KCNA6: variants seen among roughly 807,000 people sequenced by gnomAD.
KCNA6 encodes the protein potassium voltage-gated channel subfamily A member 6.
Under a neutral mutation model 29.5 loss-of-function variants are expected in KCNA6, and 17 were observed. That is an observed-to-expected ratio of 0.58 (90% CI 0.39 to 0.86). The LOEUF is 0.86. Among genes scored for constraint, KCNA6 ranks in the 40% least tolerant of loss-of-function variants. KCNA6 has a pLI of 0.00. For missense variants in KCNA6, 450 were observed against 703.4 expected (o/e 0.64, Z 4.07); for synonymous variants, 296 against 304.7 (o/e 0.97, Z 0.30).
At chr12:4,825,480 C>G in the KCNA6 span, among the ~76,000 whole-genome samples, 3 of 152,178 alleles carry the variant, frequency 2.0e-5, no homozygotes, top group African/African-American at 7.2e-5. Context: ...CTCACATACC[C>G]CCAAAACTCA....
the KCNA6 span, among the ~76,000 whole-genome samples, chr12:4,842,897 A>C: frequency 6.6e-6 from 1 of 152,150 alleles, no homozygotes; most frequent in Non-Finnish European, 1.5e-5. Context: ...ATGCAGGTGG[A>C]CCAATTATAA....
chr12:4,841,103 T>C, the KCNA6 span, among the ~76,000 whole-genome samples: 2 of 152,226 alleles, frequency 1.3e-5, no homozygotes, highest in East Asian at 3.8e-4. Context: ...TATCAGTCAG[T>C]ACCTAATTGC....
the KCNA6 span, among the ~76,000 whole-genome samples, chr12:4,821,035 C>T: frequency 1.3e-5 from 2 of 152,174 alleles, no homozygotes; most frequent in African/African-American, 4.8e-5. Context: ...TACCCAGGAA[C>T]GCTGACTTCT....
the KCNA6 span, chr12:4,851,103 CA>C: frequency 1.3e-5 from 3 of 233,352 alleles, no homozygotes; most frequent in Non-Finnish European, 2.7e-5. Context: ...AAACACAAGG[CA>C]AAGTCTCAGA....
At position 4,810,502 on chromosome 12, in the gene KCNA6, A is replaced by C. The variant is rs1300655765; in HGVS notation, c.461A>C (p.Gln154Pro). Residue 154 changes from glutamine (Q) to proline (P), a missense_variant, in exon 1 of 1, where the codon CAG becomes CCG. Gln to Pro is a moderately conservative substitution (Grantham distance 76). Coordinates refer to ENST00000280684, the Ensembl canonical transcript of KCNA6. This position sits in a 1 kb window ranked among gnomAD's most constrained non-coding sequence, Gnocchi z 7.5. The stretch of plus-strand genomic sequence containing the variant: ...GAGGACGAGAAGCCGCTGCCCTCCC[A>C]GCCCTTCCAGCGCCAGGTGTGGCTG... The C allele has an allele frequency of 6.2e-7, 1 of 1,614,186 alleles. No homozygotes were observed.
the KCNA6 span, among the ~76,000 whole-genome samples, chr12:4,837,232 C>A: frequency 6.6e-6 from 1 of 152,222 alleles, no homozygotes; most frequent in Admixed American, 6.5e-5. Context: ...TAGAAGGTGG[C>A]ACACCCCAAT....
At chr12:4,835,476 T>A in the KCNA6 span, among the ~76,000 whole-genome samples, 1 of 152,088 alleles carries the variant, frequency 6.6e-6, no homozygotes, top group Non-Finnish European at 1.5e-5. Context: ...TCCTTTTTTT[T>A]CCTCCATTTC....
the KCNA6 span, among the ~76,000 whole-genome samples, chr12:4,843,929 G>A: frequency 6.6e-6 from 1 of 152,106 alleles, no homozygotes; most frequent in Non-Finnish European, 1.5e-5. Context: ...CATAAAGTTT[G>A]GGTGGAGACA....
At chr12:4,841,464 GA>G in the KCNA6 span, among the ~76,000 whole-genome samples, 3 of 152,146 alleles carry the variant, frequency 2.0e-5, no homozygotes, top group Non-Finnish European at 4.4e-5. Flanking sequence ...GAGGCAAGAT[GA>G]AAATCATTAG....
downstream of KCNA6, among the ~76,000 whole-genome samples, chr12:4,817,024 A>G (rs1188791657): frequency 1.3e-5 from 2 of 152,154 alleles, no homozygotes; most frequent in East Asian, 1.9e-4. Context: ...CTCAACATAC[A>G]TTCCAAGATA....
At chr12:4,840,797 A>G in the KCNA6 span, among the ~76,000 whole-genome samples, 25 of 152,358 alleles carry the variant, frequency 1.6e-4, no homozygotes, top group East Asian at 3.9e-3. Flanking sequence ...GTGTCCCCCA[A>G]TAGCAAGCTA....
At chr12:4,849,634 G>A in the KCNA6 span, among the ~76,000 whole-genome samples, 116,822 of 151,870 alleles carry the variant, frequency 0.77, 45,156 homozygotes, top group African/African-American at 0.78. Flanking sequence ...GCTGTCCTGA[G>A]CACCAGGCTT....
In KCNA6 at chr12:4,810,206, A is replaced by G. The variant is rs760791991; in HGVS notation, c.165A>G (p.Gln55=). 6 of 1,613,382 alleles carry G rather than the reference A, an allele frequency of 3.7e-6. No individual in the cohort carries two copies. Among genetic ancestry groups the G allele is most frequent in the Non-Finnish European group, 5.1e-6 (6 of 1,179,976 alleles). ...TCTCCGGGCTGCGCTTTGAGACACAATTGCGCACCCTGTCGCTGTTTCCGG... is the reference window on the plus strand; with the variant it reads ...TCTCCGGGCTGCGCTTTGAGACACAGTTGCGCACCCTGTCGCTGTTTCCGG... Residue 55 remains glutamine (Q), a synonymous_variant, in exon 1 of 1, where the codon CAA becomes CAG. Transcript: ENST00000280684. The surrounding 1 kb of genome is among the most constrained non-coding windows in gnomAD (Gnocchi z 7.5).
At chr12:4,841,925 A>G in the KCNA6 span, among the ~76,000 whole-genome samples, 2 of 152,100 alleles carry the variant, frequency 1.3e-5, no homozygotes, top group Non-Finnish European at 2.9e-5. Flanking sequence ...ATTTTTCAGC[A>G]TATATGTATT....
the KCNA6 span, among the ~76,000 whole-genome samples, chr12:4,840,227 C>CTATATCTA: frequency 1.7e-5 from 1 of 57,616 alleles, no homozygotes; most frequent in East Asian, 2.5e-4. Context: ...ATCTATCTAT[C>CTATATCTA]TATCTATCTA....
rs1591590698 is a variant in KCNA6 at position 4,811,863 on chromosome 12, C to T, written c.*232C>T. 2 of 546,664 alleles carry T rather than the reference C, an allele frequency of 3.7e-6. No individual in the cohort carries two copies. The highest frequency in any genetic ancestry group is 6.1e-5 in the East Asian group (2 of 32,884). 33.9% of individuals were successfully genotyped at this position (546,664 alleles called of 1,614,324 possible). The stretch of plus-strand genomic sequence containing the variant: ...TTTTTGAAATTCCAGCGGTGCCACC[C>T]AATCATGCCCAGCTTCTGTCATATG... On this transcript the variant is annotated 3_prime_UTR_variant, in exon 1 of 1. Transcript: ENST00000280684. This position sits in a 1 kb window ranked among gnomAD's most constrained non-coding sequence, Gnocchi z 7.1.
chr12:4,814,657 C>G (rs1201308025), downstream of KCNA6: 1 of 167,144 alleles, frequency 6.0e-6, no homozygotes, highest in Non-Finnish European at 1.5e-5. The surrounding 1 kb of genome is among the most constrained non-coding windows in gnomAD (Gnocchi z 4.6). Flanking sequence ...TCCAAGCCAT[C>G]ACTACACCTG....
At chr12:4,843,399 C>T in the KCNA6 span, among the ~76,000 whole-genome samples, 4 of 152,092 alleles carry the variant, frequency 2.6e-5, no homozygotes, top group Non-Finnish European at 5.9e-5. Context: ...CCAGGATGGT[C>T]TCAATCTCCT....
chr12:4,840,207 C>CTA, the KCNA6 span, among the ~76,000 whole-genome samples: 97 of 23,638 alleles, frequency 4.1e-3, no homozygotes, highest in Middle Eastern at 0.036. Context: ...ATCTATCTAT[C>CTA]TATCTATCTA....
Sources: allele counts gnomAD v4.1 joint callset (sites outside exome capture counted in the v4.1 genomes callset), GRCh38; gene constraint gnomAD v4.1.1; non-coding constraint Gnocchi (gnomAD v3.1); transcripts MANE v1.5; gene names NCBI Gene and HGNC (gene_info 2026-07-23, HGNC 2026-07-21).